Variants in TTC3 observed in about 807,000 individuals in gnomAD.
The protein encoded by TTC3 is E3 ubiquitin-protein ligase TTC3.
In TTC3, 180 loss-of-function variants were observed where a neutral mutation model predicts 249.6. That is an observed-to-expected ratio of 0.72 (90% confidence interval 0.64 to 0.82). The LOEUF is 0.82. TTC3 is among the 40% of genes least tolerant of loss of function. The probability of loss-of-function intolerance (pLI) is 0.00; values close to 1 mark genes in which losing one functional copy is unlikely to be tolerated. For synonymous variants in TTC3, 717 were observed against 805.0 expected (o/e 0.89, Z 1.85); for missense variants, 2,061 against 2,398.4 (o/e 0.86, Z 2.94).
intron 36 of TTC3, 142 bp downstream of exon 36, chr21:37,183,055 TAAA>T (rs1411583353): frequency 2.5e-6 from 2 of 804,636 alleles, no homozygotes; most frequent in South Asian, 5.0e-5. Context: ...TTGTCTCATT[TAAA>T]AAAGTATTCA....
chr21:37,151,919 A>G (rs1601813610), exon 26 of TTC3: 1 of 1,602,468 alleles, frequency 6.2e-7, no homozygotes, highest in Non-Finnish European at 8.5e-7. Flanking sequence ...CTGAAAGAAG[A>G]CAAAAAATTG....
At chr21:37,156,845 A>C in exon 28 of TTC3, 1 of 1,614,102 alleles carries the variant, frequency 6.2e-7, no homozygotes, top group Non-Finnish European at 8.5e-7. Flanking sequence ...GGCTGCTAGA[A>C]GAACACAGAG....
chr21:37,091,104 A>G (rs1026533672), intron 6 of TTC3, among the ~76,000 whole-genome samples, 189 bp from the exon 7 acceptor site: 7 of 152,180 alleles, frequency 4.6e-5, no homozygotes, highest in African/African-American at 9.7e-5. Context: ...ATATGAGTCC[A>G]TAGTATCTGT....
chr21:37,152,669 C>T (rs923548808), intron 26 of TTC3, among the ~76,000 whole-genome samples: 2 of 152,120 alleles, frequency 1.3e-5, no homozygotes, highest in East Asian at 1.9e-4. Context: ...TGAGCCACCA[C>T]GCCTGGCCTA....
chr21:37,149,993 C>T, intron 23 of TTC3, 85 bp from the exon 24 acceptor site: 1 of 963,978 alleles, frequency 1.0e-6, no homozygotes, highest in Non-Finnish European at 1.6e-6. Flanking sequence ...TTGACTGTTC[C>T]TAGTGGTAAA....
intron 17 of TTC3, among the ~76,000 whole-genome samples, chr21:37,133,701 G>C (rs1199885540): frequency 6.6e-6 from 1 of 152,118 alleles, no homozygotes; most frequent in East Asian, 1.9e-4. Context: ...ATGTCGTATT[G>C]AGGGAAGTGA....
chr21:37,143,007 A>G (rs566096854), intron 20 of TTC3, among the ~76,000 whole-genome samples: 3 of 152,360 alleles, frequency 2.0e-5, no homozygotes, highest in South Asian at 2.1e-4. Context: ...AGGATTCACT[A>G]TTCAACAAAT....
At chr21:37,104,651 A>G (rs1342717448) in intron 10 of TTC3, among the ~76,000 whole-genome samples, 2 of 150,554 alleles carry the variant, frequency 1.3e-5, no homozygotes, top group African/African-American at 4.9e-5. Context: ...AATGTTGTGT[A>G]GGTAGTGAGT....
At position 37,096,641 on chromosome 21, in the gene TTC3, T is replaced by C. The variant is rs770376520; in HGVS notation, c.843T>C (p.Phe281=). ...TTTGTTTTCTTCGTACTGGACAGTT[T>C]AGGTAAGTTGGTTAAAATATCTCAA... The change falls in exon 10 of 46, where the codon TTT becomes TTC. Residue 281 remains phenylalanine (F), a splice_region_variant and synonymous_variant. Transcript: ENST00000355666. The C allele has an allele frequency of 6.2e-6, 10 of 1,608,978 alleles. No individual in the cohort carries two copies. In the Admixed American group the frequency reaches 1.5e-4, roughly 24 times the overall value.
At chr21:37,122,547 T>C (rs1490625098) in intron 12 of TTC3, among the ~76,000 whole-genome samples, 1 of 151,232 alleles carries the variant, frequency 6.6e-6, no homozygotes. Context: ...TCTTTTTGCT[T>C]TCTCCAATGC....
At chr21:37,196,386 A>G (rs1346106093) in intron 42 of TTC3, among the ~76,000 whole-genome samples, 4 of 151,912 alleles carry the variant, frequency 2.6e-5, no homozygotes, top group East Asian at 1.9e-4. Context: ...ATAGGCATGC[A>G]TGACTAAGCC....
chr21:37,120,428 C>A (rs2076489122), intron 11 of TTC3, among the ~76,000 whole-genome samples: 1 of 152,108 alleles, frequency 6.6e-6, no homozygotes, highest in Admixed American at 6.5e-5. Context: ...AAATAAAGTT[C>A]TCTGCAAATT....
chr21:37,108,719 C>T (rs1336440442), intron 11 of TTC3, among the ~76,000 whole-genome samples: 1 of 151,836 alleles, frequency 6.6e-6, no homozygotes, highest in African/African-American at 2.4e-5. Context: ...GGTGGGTGTG[C>T]CTGAATGTGA....
In TTC3 at chr21:37,152,047, G is replaced by A. The variant is rs745464973; in HGVS notation, c.2413+18G>A. ...GCAGAAAGGTATGCAGAAGCCAAAG[G>A]CATGATAAGAATAATATACTCTCAT... On this transcript the variant is annotated intron_variant, in intron 26 of 45. Coordinates refer to ENST00000355666, the Ensembl canonical transcript of TTC3. 3.2e-6 allele frequency: 5 copies of A among 1,553,148 alleles called. No individual in the cohort carries two copies. The highest frequency in any genetic ancestry group is 4.5e-5 in the Admixed American group (2 of 44,824).
At chr21:37,149,949 C>CA (rs1317783703) in intron 23 of TTC3, 129 bp from the exon 24 acceptor site, 2 of 649,196 alleles carry the variant, frequency 3.1e-6, no homozygotes. Flanking sequence ...TAAGGATTTT[C>CA]ACCACTTGCC....
intron 10 of TTC3, chr21:37,097,826 A>G (rs1601390788): frequency 1.7e-6 from 1 of 578,128 alleles, no homozygotes; most frequent in Non-Finnish European, 3.1e-6. Flanking sequence ...AAGCGCTTGT[A>G]TGGGAGGGTG....
At chr21:37,200,187 C>T in intron 44 of TTC3, 45 bp from the exon 45 acceptor site, 1 of 1,579,322 alleles carries the variant, frequency 6.3e-7, no homozygotes, top group Non-Finnish European at 8.6e-7. Flanking sequence ...GTCATAAAAA[C>T]AACTGTAGTT....
chr21:37,172,588 CT>C lies in TTC3; in HGVS notation c.4468-3del. Reference sequence around the variant, plus strand: ...TTTTAATAGATTGTTTTGTAATTCACTTTTAGGGGGAAATTTCACGGATTGA... The same window carrying C: ...TTTTAATAGATTGTTTTGTAATTCACTTTAGGGGGAAATTTCACGGATTGA... On this transcript the variant is annotated splice_polypyrimidine_tract_variant and splice_region_variant and intron_variant, in intron 34 of 45. Coordinates refer to ENST00000355666, the Ensembl canonical transcript of TTC3. 6.2e-7 allele frequency: 1 copy of C among 1,608,040 alleles called. No homozygotes were observed. The highest frequency in any genetic ancestry group is 8.5e-7 in the Non-Finnish European group (1 of 1,178,338).
At chr21:37,101,359 G>C (rs1243880321) in intron 10 of TTC3, 1 of 149,030 alleles carries the variant, frequency 6.7e-6, no homozygotes, top group African/African-American at 2.5e-5. Flanking sequence ...TCTTGTGTGT[G>C]TGTGTGTGTG....
Sources: gnomAD v4.1 joint callset for allele counts (sites outside exome capture counted in the v4.1 genomes callset) on GRCh38, gnomAD v4.1.1 for gene constraint, MANE v1.5 for transcripts, NCBI Gene and HGNC (gene_info 2026-07-23, HGNC 2026-07-21) for gene names.